Variants in ZNF510 observed in about 807,000 individuals in gnomAD.
The protein encoded by ZNF510 is zinc finger protein 510.
Under a neutral mutation model 18.1 loss-of-function variants are expected in ZNF510, and 15 were observed. That is an observed-to-expected ratio of 0.83 (90% confidence interval 0.55 to 1.28). The LOEUF is 1.28. ZNF510 is among the 50% of genes most tolerant of loss of function. The pLI is 0.00. For synonymous variants in ZNF510, 261 were observed against 266.4 expected (o/e 0.98, Z 0.20); for missense variants, 724 against 791.8 (o/e 0.91, Z 1.03).
intron 3 of ZNF510, among the ~76,000 whole-genome samples, chr9:96,767,315 G>A (rs1017672326): frequency 1.3e-4 from 20 of 149,632 alleles, no homozygotes; most frequent in African/African-American, 3.1e-4. Flanking sequence ...GTGATAGAGC[G>A]AGACTCTGTC....
chr9:96,774,636 T>C, intron 3 of ZNF510, 152 bp downstream of exon 3: 1 of 646,640 alleles, frequency 1.5e-6, no homozygotes, highest in Non-Finnish European at 2.5e-6. Flanking sequence ...GCGACCTCCA[T>C]CTTTCCACAT....
chr9:96,762,527 AAG>A (rs1343539964), intron 5 of ZNF510, among the ~76,000 whole-genome samples: 1 of 149,866 alleles, frequency 6.7e-6, no homozygotes, highest in African/African-American at 2.5e-5. Flanking sequence ...AAAAAAAGAA[AAG>A]AAAAAGAAAA....
intron 3 of ZNF510, among the ~76,000 whole-genome samples, chr9:96,770,932 G>A (rs1171673077): frequency 6.6e-6 from 1 of 152,074 alleles, no homozygotes; most frequent in East Asian, 1.9e-4. Flanking sequence ...AAAAATAAAG[G>A]ACACTAGAAT....
At chr9:96,776,337 T>C in intron 1 of ZNF510, 92 bp from the exon 2 acceptor site, 1 of 465,986 alleles carries the variant, frequency 2.1e-6, no homozygotes, top group East Asian at 4.8e-5. Context: ...TGGAAAACAG[T>C]GTTCTTCACG....
At chr9:96,761,183 T>C (rs73552432) in intron 5 of ZNF510, among the ~76,000 whole-genome samples, 4,416 of 152,286 alleles carry the variant, frequency 0.029, 239 homozygotes, top group African/African-American at 0.1. Context: ...ATTCTGGCTG[T>C]CATAGCATTG....
intron 3 of ZNF510, among the ~76,000 whole-genome samples, chr9:96,769,448 A>AAAG (rs1474012585): frequency 1.3e-5 from 2 of 151,996 alleles, no homozygotes; most frequent in African/African-American, 4.8e-5. Flanking sequence ...AAAAAAAAAA[A>AAAG]AAATTGGCCT....
intron 3 of ZNF510, among the ~76,000 whole-genome samples, chr9:96,764,762 T>A (rs947160934): frequency 2.6e-5 from 4 of 152,094 alleles, no homozygotes; most frequent in Admixed American, 2.0e-4. Context: ...CAAAAGATAG[T>A]TGATATGACT....
At chr9:96,772,873 T>C (rs980437750) in intron 3 of ZNF510, among the ~76,000 whole-genome samples, 1 of 152,144 alleles carries the variant, frequency 6.6e-6, no homozygotes. Flanking sequence ...TTTCTAAGTA[T>C]ATCCCAAAAG....
At position 96,757,582 on chromosome 9, in the gene ZNF510, T is replaced by C. The variant is rs2117895113; in HGVS notation, c.*1196A>G. The C allele has an allele frequency of 6.6e-6, 1 of 152,246 alleles. No homozygotes were observed. The allele number at this position is 152,246 out of a possible 1,614,324, so 9.4% of individuals were successfully genotyped here. A position where few individuals can be genotyped will look rare whatever the true frequency, so the allele number is the denominator to read the frequency against. ...GTGTAGAAACAAATAGACTCAAACA[T>C]GTGAAAGCTCAACAGAATACAGTAG... On this transcript the variant is annotated 3_prime_UTR_variant, in exon 6 of 6. Coordinates refer to ENST00000223428, the MANE Select transcript of ZNF510 (RefSeq NM_014930.3).
At position 96,758,797 on chromosome 9, in the gene ZNF510, C is replaced by G. The variant is rs1398350885; in HGVS notation, c.2033G>C (p.Gly678Ala). The G allele has an allele frequency of 3.1e-6, 5 of 1,587,368 alleles. No individual in the cohort carries two copies. Among genetic ancestry groups the G allele is most frequent in the Non-Finnish European group, 4.3e-6 (5 of 1,166,574 alleles). Residue 678 changes from glycine to alanine, a missense_variant, in exon 6 of 6, where the codon GGA (glycine) becomes GCA (alanine). Gly to Ala is a moderately conservative substitution (Grantham distance 60, BLOSUM62 0). Coordinates refer to ENST00000223428, the MANE Select transcript of ZNF510 (RefSeq NM_014930.3). Reference protein sequence around the residue: ...STLSLYQKIQGEGNPY With the variant: ...STLSLYQKIQAEGNPY Reference sequence around the variant, plus strand: ...ATTACATCAATAGGGATTCCCCTCTCCCTGAATTTTCTGGTATAAGCTTAG... The same window carrying G: ...ATTACATCAATAGGGATTCCCCTCTGCCTGAATTTTCTGGTATAAGCTTAG...
At chr9:96,768,917 T>C (rs1849531415) in intron 3 of ZNF510, among the ~76,000 whole-genome samples, 1 of 152,186 alleles carries the variant, frequency 6.6e-6, no homozygotes, top group Non-Finnish European at 1.5e-5. Flanking sequence ...AGGGATTACA[T>C]TTCCTGATTT....
intron 5 of ZNF510, among the ~76,000 whole-genome samples, chr9:96,761,571 C>G (rs1253572816): frequency 7.4e-6 from 1 of 135,594 alleles, no homozygotes; most frequent in Admixed American, 6.9e-5. Context: ...TACAACTTCT[C>G]TATGCTTAGA....
At position 96,760,359 on chromosome 9, in the gene ZNF510, C is replaced by T. The variant is rs777338325; in HGVS notation, c.471G>A (p.Gly157=). The T allele has an allele frequency of 6.2e-7, 1 of 1,613,822 alleles. No homozygotes were observed. Among genetic ancestry groups the T allele is most frequent in the Non-Finnish European group, 8.5e-7 (1 of 1,179,866 alleles). ...CAGCTACATGCAGAGTAAATGGTTT[C>T]CCCAAAACTTTCTCTTCCTCTGTAG... is the stretch of plus-strand genomic sequence containing the variant. ...TLTTEEEKVL[G]KPFTLHVAAV... is the part of the protein sequence containing the mutation. Residue 157 remains glycine (G), a synonymous_variant, in exon 6 of 6, where the codon GGG becomes GGA. Transcript: ENST00000223428.
At chr9:96,763,430 T>C in intron 4 of ZNF510, 76 bp downstream of exon 4, 1 of 1,493,892 alleles carries the variant, frequency 6.7e-7, no homozygotes, top group Non-Finnish European at 9.0e-7. Context: ...AAGTAAATTG[T>C]TCACATGTAT....
At chr9:96,762,216 A>AG (rs1849363188) in intron 5 of ZNF510, among the ~76,000 whole-genome samples, 1 of 149,928 alleles carries the variant, frequency 6.7e-6, no homozygotes, top group Non-Finnish European at 1.5e-5. Context: ...AAAAAAAAAA[A>AG]AAAAAAAAAG....
chr9:96,777,370 T>C (rs1849724133), intron 1 of ZNF510, among the ~76,000 whole-genome samples: 1 of 152,228 alleles, frequency 6.6e-6, no homozygotes, highest in African/African-American at 2.4e-5. Flanking sequence ...TGTTTATGTA[T>C]TGACATCCTA....
At chr9:96,770,858 C>A (rs1849570823) in intron 3 of ZNF510, among the ~76,000 whole-genome samples, 1 of 152,046 alleles carries the variant, frequency 6.6e-6, no homozygotes, top group Admixed American at 6.5e-5. Flanking sequence ...CTAAAAACCA[C>A]AAAATTGTAC....
In ZNF510 at chr9:96,764,834, G is replaced by T. The variant is rs539864707; in HGVS notation, c.130-1202C>A. On this transcript the variant is annotated intron_variant, in intron 3 of 5. Transcript: ENST00000223428. ...AAGAGGTATAAAAAATGAGTAACGG[G>T]CCGGGTGCGGTGGCTCATGCCTGTA... Among the ~76,000 whole-genome samples, 17 of 152,256 alleles carry T rather than the reference G, an allele frequency of 1.1e-4. No homozygotes were observed. The South Asian group carries it at 3.5e-3, about 32-fold the overall frequency.
chr9:96,770,873 T>C (rs1849572240), intron 3 of ZNF510, among the ~76,000 whole-genome samples: 1 of 152,168 alleles, frequency 6.6e-6, no homozygotes, highest in Non-Finnish European at 1.5e-5. Context: ...TTGTACACTT[T>C]AAAAGTGTGA....
Sources: gnomAD v4.1 joint callset for allele counts (sites outside exome capture counted in the v4.1 genomes callset) on GRCh38, gnomAD v4.1.1 for gene constraint, MANE v1.5 for transcripts, NCBI Gene and HGNC (gene_info 2026-07-23, HGNC 2026-07-21) for gene names.